RAB11FIP5: variants seen among roughly 807,000 people sequenced by gnomAD.
RAB11FIP5 encodes the protein rab11 family-interacting protein 5.
In RAB11FIP5, 48 loss-of-function variants were observed where a neutral mutation model predicts 85.1. That is an observed-to-expected ratio of 0.56 (90% CI 0.45 to 0.72). The LOEUF (loss-of-function observed/expected upper bound fraction) is 0.72, where lower values mean the gene tolerates loss of function less well. RAB11FIP5 is among the 30% of genes least tolerant of loss of function. RAB11FIP5 has a pLI of 0.00. For missense variants in RAB11FIP5, 1,491 were observed against 1,687.0 expected (o/e 0.88, Z 2.04); for synonymous variants, 729 against 727.3 (o/e 1.00, Z -0.04).
Position 73,076,081 on chromosome 2 carries a change from T to C in RAB11FIP5, c.3683A>G (p.Glu1228Gly). Reference protein sequence around the residue: ...SLSIALSSGLEKLKTVTSGSI... With the variant: ...SLSIALSSGLGKLKTVTSGSI... ...CCCAGATGTGACTGTTTTGAGCTTC[T>C]CCAGCCCACTGCTCAGGGCTATGCT... The change falls in exon 5 of 6, where the codon GAG becomes GGG. Residue 1228 changes from glutamate to glycine, a missense_variant. Around this residue, in one of 3 missense-constraint regions of RAB11FIP5, gnomAD observed 232 missense variants for 259.1 expected, o/e 0.90. Coordinates refer to ENST00000486777, the MANE Select transcript of RAB11FIP5 (RefSeq NM_001371272.1). 15 of 1,614,166 alleles carry C rather than the reference T, an allele frequency of 9.3e-6. No individual in the cohort carries two copies. The highest frequency in any genetic ancestry group is 1.2e-5 in the Non-Finnish European group (14 of 1,179,982).
rs745987083 is a variant in RAB11FIP5, at chr2:73,080,112, T to C, written c.3120A>G (p.Gly1040=). The part of the protein sequence containing the change: ...APEAQGQDPV[G]EGLGSLSATS... ...TGGCTGACAAGGACCCAAGCCCCTC[T>C]CCTACTGGATCCTGGCCCTGGGCCT... The change falls in exon 4 of 6, where the codon GGA becomes GGG. Residue 1040 remains glycine, a synonymous_variant. Transcript: ENST00000486777. 1.2e-5 allele frequency: 15 copies of C among 1,232,046 alleles called. No homozygotes were observed. The highest frequency in any genetic ancestry group is 1.5e-5 in the Non-Finnish European group (15 of 988,032). 76.3% of individuals were successfully genotyped at this position (1,232,046 alleles called of 1,614,324 possible).
chr2:73,083,879 C>T (rs185204815), intron 3 of RAB11FIP5, among the ~76,000 whole-genome samples: 195 of 152,320 alleles, frequency 1.3e-3, no homozygotes, highest in African/African-American at 4.5e-3. Flanking sequence ...CCCCAGCCCC[C>T]TTTATGACAA....
rs202169693 is a variant in RAB11FIP5 at position 73,086,863 on chromosome 2, AC to A, written c.1568+1186del. ...GGTGGCATGCCCCTGAAACTGATCC[AC>A]CCCCCCATACCCCTATCTATGAGGG... On this transcript the variant is annotated intron_variant, in intron 3 of 5. Coordinates refer to ENST00000486777, the MANE Select transcript of RAB11FIP5 (RefSeq NM_001371272.1). This position sits in a 1 kb window ranked among gnomAD's most constrained non-coding sequence, Gnocchi z 4.4. 9.4e-3 allele frequency among the ~76,000 whole-genome samples: 1,424 copies of A among 151,348 alleles called. 15 individuals carry two copies. The highest frequency in any genetic ancestry group is 0.032 in the African/African-American group (1,331 of 41,230).
chr2:73,076,027 T>TG lies in RAB11FIP5; in HGVS notation c.3736dup (p.Gln1246ProfsTer30). 1 of 1,613,952 alleles carries TG rather than the reference T, an allele frequency of 6.2e-7. No individual in the cohort carries two copies. The highest frequency in any genetic ancestry group is 8.5e-7 in the Non-Finnish European group (1 of 1,179,844). ...TTTGGTGTCCACCATCTGGCCAGCC[T>TG]GGGGGGCCTGGGTCACAGGCTGAAT... On this transcript the variant is annotated frameshift_variant, in exon 5 of 6. Transcript: ENST00000486777. LOFTEE classifies it high-confidence loss of function.
At position 73,079,977 on chromosome 2, in the gene RAB11FIP5, C is replaced by T. The variant is rs543505739; in HGVS notation, c.3255G>A (p.Ser1085=). The T allele has an allele frequency of 6.3e-5, 78 of 1,232,188 alleles. No individual in the cohort carries two copies. The African/African-American group carries it at 9.5e-4, about 15-fold the overall frequency. 76.3% of individuals were successfully genotyped at this position (1,232,188 alleles called of 1,614,324 possible). The change falls in exon 4 of 6, where the codon TCG becomes TCA. Residue 1085 remains serine, a synonymous_variant. Coordinates refer to ENST00000486777, the MANE Select transcript of RAB11FIP5 (RefSeq NM_001371272.1). The part of the protein sequence containing the change: ...PSLSSASPPG[S]RESSIHSGPE... ...GACCAGAATGAATAGAAGATTCCCTCGACCCTGGCGGGGATGCAGATGAGA... is the reference window on the plus strand; with the variant it reads ...GACCAGAATGAATAGAAGATTCCCTTGACCCTGGCGGGGATGCAGATGAGA...
chr2:73,081,673 G>A lies in RAB11FIP5; in HGVS notation c.1569-10C>T. The A allele has an allele frequency of 8.1e-7, 1 of 1,231,954 alleles. No homozygotes were observed. The allele number at this position is 1,231,954 out of a possible 1,614,324, so 76.3% of individuals were successfully genotyped here. On this transcript the variant is annotated splice_polypyrimidine_tract_variant and intron_variant, in intron 3 of 5. Transcript: ENST00000486777. This position sits in a 1 kb window ranked among gnomAD's most constrained non-coding sequence, Gnocchi z 4.2. ...AGGAGACACGTCCAGGCTGTGGAGG[G>A]AGACAAAACCGTGAGCCTCCTGGTT... is the stretch of plus-strand genomic sequence containing the variant.
intron 1 of RAB11FIP5, among the ~76,000 whole-genome samples, chr2:73,109,147 A>T (rs1050462977): frequency 1.3e-5 from 2 of 152,244 alleles, no homozygotes; most frequent in African/African-American, 4.8e-5. Flanking sequence ...ATCCATGGAC[A>T]GTTCTACTGA....
In RAB11FIP5 at chr2:73,076,011, C is replaced by A. The variant is rs1447920137; in HGVS notation, c.3753G>T (p.Val1251=). Residue 1251 remains valine, a synonymous_variant, in exon 5 of 6, where the codon GTG becomes GTT. Transcript: ENST00000486777. ...GCCTTACCTTCAGCCTTTTGGTGTC[C>A]ACCATCTGGCCAGCCTGGGGGGCCT... The part of the protein sequence containing the change: ...VTQAPQAGQM[V]DTKRLKDSAV... 1 of 1,613,578 alleles carries A rather than the reference C, an allele frequency of 6.2e-7. No individual in the cohort carries two copies. The highest frequency in any genetic ancestry group is 1.1e-5 in the South Asian group (1 of 91,060).
intron 1 of RAB11FIP5, among the ~76,000 whole-genome samples, chr2:73,099,442 G>C (rs1247893915): frequency 1.3e-5 from 2 of 152,162 alleles, no homozygotes; most frequent in African/African-American, 4.8e-5. Flanking sequence ...GAGTGGGGAG[G>C]GAGCAAACTC....
chr2:73,112,797 A>C lies in RAB11FIP5; in HGVS notation c.-20T>G. The stretch of plus-strand genomic sequence containing the variant: ...GGCCATGGCGGAGAAGCGGGGGGCG[A>C]GGTCTGGCCGAGCCGGTGCAGACCC... On this transcript the variant is annotated 5_prime_UTR_variant, in exon 1 of 6. Transcript: ENST00000486777. The C allele has an allele frequency of 7.1e-7, 1 of 1,412,890 alleles. No homozygotes were observed. The highest frequency in any genetic ancestry group is 9.1e-7 in the Non-Finnish European group (1 of 1,093,642). The allele number at this position is 1,412,890 out of a possible 1,614,324, so 87.5% of individuals were successfully genotyped here.
At chr2:73,083,759 C>G (rs1684043942) in intron 3 of RAB11FIP5, among the ~76,000 whole-genome samples, 1 of 152,200 alleles carries the variant, frequency 6.6e-6, no homozygotes, top group Non-Finnish European at 1.5e-5. Context: ...GGTCAAGAGC[C>G]TGACCTCAGC....
At position 73,089,355 on chromosome 2, in the gene RAB11FIP5, C is replaced by T. The variant is rs1684162508; in HGVS notation, c.432-40G>A. 2.5e-6 allele frequency: 4 copies of T among 1,603,174 alleles called. No individual in the cohort carries two copies. The highest frequency in any genetic ancestry group is 3.4e-6 in the Non-Finnish European group (4 of 1,176,018). ...GAGCAGGCAGAACTCAGTCACGGGC[C>T]CAGGGAGCCTGGCTCCCGCCCGGTA... On this transcript the variant is annotated intron_variant, in intron 1 of 5. Coordinates refer to ENST00000486777, the MANE Select transcript of RAB11FIP5 (RefSeq NM_001371272.1). The surrounding 1 kb of genome is among the most constrained non-coding windows in gnomAD (Gnocchi z 4.6).
chr2:73,079,556 A>G, intron 4 of RAB11FIP5, 95 bp downstream of exon 4: 1 of 1,219,938 alleles, frequency 8.2e-7, no homozygotes. Flanking sequence ...CCCACAAAGG[A>G]TGAGACTGGA....
At position 73,088,678 on chromosome 2, in the gene RAB11FIP5, G is replaced by C; in HGVS notation, c.940C>G (p.Arg314Gly). The change falls in exon 3 of 6, where the codon CGA becomes GGA. Residue 314 changes from arginine (R) to glycine (G), a missense_variant. Physicochemically the swap from Arg to Gly is moderately radical, Grantham distance 125 (BLOSUM62 -2). This residue lies in a region of RAB11FIP5 where 1,211 missense variants were observed against 1,338.0 expected (regional missense o/e 0.91). Transcript: ENST00000486777. ...RTYSDEANQMRVAPPRALLDL... is the reference protein window; with the variant it reads ...RTYSDEANQMGVAPPRALLDL... ...AGAAGGGCCCGAGGAGGAGCCACTC[G>C]CATCTGGTTGGCCTCATCGCTGTAG... is the stretch of plus-strand genomic sequence containing the variant. 6.2e-7 allele frequency: 1 copy of C among 1,613,034 alleles called. No homozygotes were observed. The highest frequency in any genetic ancestry group is 8.5e-7 in the Non-Finnish European group (1 of 1,180,002).
chr2:73,096,899 C>T (rs1180444867), intron 1 of RAB11FIP5, among the ~76,000 whole-genome samples: 5 of 152,174 alleles, frequency 3.3e-5, no homozygotes, highest in Non-Finnish European at 7.3e-5. Flanking sequence ...GGCCACTATA[C>T]GTGCTGCTCT....
intron 1 of RAB11FIP5, among the ~76,000 whole-genome samples, chr2:73,105,297 C>A (rs1211119502): frequency 6.6e-6 from 1 of 152,134 alleles, no homozygotes; most frequent in Non-Finnish European, 1.5e-5. Flanking sequence ...GGCTGGAGTG[C>A]AGTGGGGCAA....
rs550613252 is a variant in RAB11FIP5, at chr2:73,094,120, C to CAA, written c.432-4807_432-4806dup. 4.8e-3 allele frequency among the ~76,000 whole-genome samples: 405 copies of CAA among 84,212 alleles called. 3 individuals are homozygous for CAA. The highest frequency in any genetic ancestry group is 0.012 in the African/African-American group (337 of 27,106). 55.2% of individuals were successfully genotyped at this position (84,212 alleles called of 152,430 possible). A position where few individuals can be genotyped will look rare whatever the true frequency, so the allele number is the denominator to read the frequency against. On this transcript the variant is annotated intron_variant, in intron 1 of 5. Transcript: ENST00000486777. ...TGGGCAACAGAGTGAGACTTTGTCT[C>CAA]AAAAAAAAAAAAAAAAAAAAAAAAA...
At chr2:73,108,508 C>T (rs1047014567) in intron 1 of RAB11FIP5, among the ~76,000 whole-genome samples, 1 of 152,246 alleles carries the variant, frequency 6.6e-6, no homozygotes, top group African/African-American at 2.4e-5. Flanking sequence ...CCAAAATGGC[C>T]TTGTGGCAGA....
At position 73,112,078 on chromosome 2, in the gene RAB11FIP5, T is replaced by C. The variant is rs146578097; in HGVS notation, c.431+269A>G. On this transcript the variant is annotated intron_variant, in intron 1 of 5. Transcript: ENST00000486777. ...AAGCCTCTGAATCTCATTCCTAACT[T>C]TACTTGACAATCTACTCCTAACGTT... is the stretch of plus-strand genomic sequence containing the variant. 3.3e-5 allele frequency among the ~76,000 whole-genome samples: 5 copies of C among 152,200 alleles called. No homozygotes were observed. The East Asian group carries it at 7.7e-4, about 24-fold the overall frequency.
Sources: allele counts gnomAD v4.1 joint callset (sites outside exome capture counted in the v4.1 genomes callset), GRCh38; gene constraint gnomAD v4.1.1; regional missense constraint gnomAD v4.1.1; non-coding constraint Gnocchi (gnomAD v3.1); transcripts MANE v1.5; gene names NCBI Gene and HGNC (gene_info 2026-07-23, HGNC 2026-07-21).